Variants in SLC35D4 observed in about 807,000 individuals in gnomAD.
The protein encoded by SLC35D4 is UDP-N-acetylglucosamine transporter SLC35D4.
chr18:23,435,965 G>A, the SLC35D4 span, among the ~76,000 whole-genome samples: 2 of 151,732 alleles, frequency 1.3e-5, no homozygotes, highest in Admixed American at 1.3e-4. Flanking sequence ...CAAAGTGCTC[G>A]GATTACAGGC....
the SLC35D4 span, among the ~76,000 whole-genome samples, chr18:23,393,528 C>T: frequency 1.3e-5 from 2 of 152,180 alleles, no homozygotes; most frequent in African/African-American, 4.8e-5. Flanking sequence ...TTGTGACTGA[C>T]TTATTTAGCA....
the SLC35D4 span, chr18:23,257,357 A>T: frequency 3.7e-6 from 6 of 1,608,562 alleles, no homozygotes; most frequent in Non-Finnish European, 4.2e-6. Context: ...CGGCTGGTCC[A>T]GAGTTCCTAG....
At chr18:23,381,136 G>A in the SLC35D4 span, among the ~76,000 whole-genome samples, 1 of 152,096 alleles carries the variant, frequency 6.6e-6, no homozygotes, top group Non-Finnish European at 1.5e-5. Context: ...ACGCTAAATT[G>A]CTAAAAACCA....
chr18:23,247,551 C>T, the SLC35D4 span, among the ~76,000 whole-genome samples: 1 of 152,224 alleles, frequency 6.6e-6, no homozygotes, highest in Non-Finnish European at 1.5e-5. Flanking sequence ...ACGGAACAGC[C>T]CCACAGATCA....
At chr18:23,298,526 AG>A in the SLC35D4 span, among the ~76,000 whole-genome samples, 1 of 152,252 alleles carries the variant, frequency 6.6e-6, no homozygotes, top group Admixed American at 6.5e-5. Flanking sequence ...GAACATTTAA[AG>A]GTGAAAATAC....
chr18:23,266,123 C>G, the SLC35D4 span, among the ~76,000 whole-genome samples: 4 of 152,064 alleles, frequency 2.6e-5, 1 homozygote, highest in Admixed American at 2.0e-4. Context: ...AATATGCAGC[C>G]GGAAGGGGCC....
At chr18:23,371,070 T>G in the SLC35D4 span, among the ~76,000 whole-genome samples, 1 of 142,722 alleles carries the variant, frequency 7.0e-6, no homozygotes, top group Admixed American at 7.0e-5. Context: ...ACCCTCCCTC[T>G]CTCCTTCCCT....
chr18:23,253,637 A>C, the SLC35D4 span: 7 of 1,076,986 alleles, frequency 6.5e-6, no homozygotes, highest in Admixed American at 2.2e-5. Context: ...GGGAAAGAGA[A>C]AGAGAAAAAG....
chr18:23,290,113 A>G, the SLC35D4 span, among the ~76,000 whole-genome samples: 1 of 152,262 alleles, frequency 6.6e-6, no homozygotes, highest in Non-Finnish European at 1.5e-5. Context: ...GGTGAAGCAC[A>G]GCAGGCCCCA....
At chr18:23,326,359 T>C in the SLC35D4 span, among the ~76,000 whole-genome samples, 1 of 152,086 alleles carries the variant, frequency 6.6e-6, no homozygotes, top group African/African-American at 2.4e-5. Flanking sequence ...TGCAGGAAGA[T>C]CTACCAAGCA....
chr18:23,414,310 G>GAAGGAAGGAAGC, the SLC35D4 span, among the ~76,000 whole-genome samples: 4 of 144,904 alleles, frequency 2.8e-5, no homozygotes, highest in Admixed American at 1.4e-4. Context: ...AGGAAGGAAG[G>GAAGGAAGGAAGC]AAGGAAGGAA....
chr18:23,275,639 G>A, the SLC35D4 span, among the ~76,000 whole-genome samples: 1 of 136,466 alleles, frequency 7.3e-6, no homozygotes, highest in Admixed American at 7.3e-5. Flanking sequence ...GTGCTGTGCT[G>A]TGCTGTGCTG....
At chr18:23,352,109 C>T in the SLC35D4 span, 1 of 1,214,636 alleles carries the variant, frequency 8.2e-7, no homozygotes, top group Non-Finnish European at 1.2e-6. Flanking sequence ...TCTCATGAAG[C>T]TCAAACAACT....
the SLC35D4 span, among the ~76,000 whole-genome samples, chr18:23,355,850 T>C: frequency 6.6e-6 from 1 of 152,152 alleles, no homozygotes; most frequent in Non-Finnish European, 1.5e-5. Context: ...GATCATACAA[T>C]TAGCAACAGC....
At chr18:23,418,303 A>T in the SLC35D4 span, among the ~76,000 whole-genome samples, 2 of 150,954 alleles carry the variant, frequency 1.3e-5, no homozygotes, top group Admixed American at 1.3e-4. Flanking sequence ...AAACTTCTTA[A>T]TACTAGTTTT....
chr18:23,275,222 C>G, the SLC35D4 span, among the ~76,000 whole-genome samples: 1 of 152,194 alleles, frequency 6.6e-6, no homozygotes, highest in Non-Finnish European at 1.5e-5. Context: ...TCCTCACTGT[C>G]TCCCTGAACT....
At chr18:23,365,606 A>G in the SLC35D4 span, 559 of 1,612,228 alleles carry the variant, frequency 3.5e-4, no homozygotes, top group Non-Finnish European at 4.5e-4. Flanking sequence ...CAAACAGACA[A>G]ACAAAACAAC....
the SLC35D4 span, among the ~76,000 whole-genome samples, chr18:23,277,061 T>G: frequency 6.6e-6 from 1 of 152,226 alleles, no homozygotes; most frequent in African/African-American, 2.4e-5. Flanking sequence ...TAGATTTTGC[T>G]GGGCAGCTCA....
chr18:23,326,988 C>G, the SLC35D4 span, among the ~76,000 whole-genome samples: 15 of 152,158 alleles, frequency 9.9e-5, no homozygotes, highest in African/African-American at 3.6e-4. Flanking sequence ...TAAAGATGTG[C>G]TTTGAAACCA....
Sources: allele counts gnomAD v4.1 joint callset (sites outside exome capture counted in the v4.1 genomes callset), GRCh38; gene constraint gnomAD v4.1.1; transcripts MANE v1.5; gene names NCBI Gene and HGNC (gene_info 2026-07-23, HGNC 2026-07-21).